Variants in TOX observed in about 807,000 individuals in gnomAD.
TOX encodes thymocyte selection-associated high mobility group box protein TOX.
TOX carries 11 observed loss-of-function variants against 53.7 expected under a neutral mutation model. The ratio of observed to expected loss-of-function variants is 0.20; its 90% CI spans 0.13 to 0.34. The LOEUF (loss-of-function observed/expected upper bound fraction) is 0.34. Among genes scored for constraint, TOX ranks in the 10% least tolerant of loss-of-function variants. The pLI is 1.00. For synonymous variants in TOX, 225 were observed against 245.3 expected, an observed-to-expected ratio of 0.92 and a Z score of 0.77; for missense variants, 570 against 664.6, an observed-to-expected ratio of 0.86 and a Z score of 1.56.
At chr8:58,830,108 AT>A (rs1004089767) in intron 5 of TOX, among the ~76,000 whole-genome samples, 1 of 152,204 alleles carries the variant, frequency 6.6e-6, no homozygotes, top group African/African-American at 2.4e-5. Flanking sequence ...AAATATTAGT[AT>A]TTAGTTGAGT....
At chr8:59,053,354 A>G (rs1197863059) in intron 1 of TOX, among the ~76,000 whole-genome samples, 9 of 152,108 alleles carry the variant, frequency 5.9e-5, no homozygotes, top group Non-Finnish European at 1.3e-4. Flanking sequence ...AACGGAACAC[A>G]TGGTTGTGTC....
chr8:58,814,351 C>G (rs751149531), intron 7 of TOX: 6 of 151,836 alleles, frequency 4.0e-5, no homozygotes, highest in Non-Finnish European at 7.4e-5. Flanking sequence ...TAAGTGATAC[C>G]TGCATTTAAT....
At chr8:58,996,322 C>G (rs1813560646) in intron 1 of TOX, among the ~76,000 whole-genome samples, 1 of 152,174 alleles carries the variant, frequency 6.6e-6, no homozygotes, top group Non-Finnish European at 1.5e-5. Flanking sequence ...GATACAATTT[C>G]TAAGTCCAAT....
At position 58,822,677 on chromosome 8, in the gene TOX, A is replaced by G. The variant is rs540996724; in HGVS notation, c.1005+4145T>C. 5.3e-5 allele frequency among the ~76,000 whole-genome samples: 8 copies of G among 152,314 alleles called. No homozygotes were observed. The East Asian group carries it at 1.3e-3, about 26-fold the overall frequency. On this transcript the variant is annotated intron_variant, in intron 6 of 8. Coordinates refer to ENST00000361421, the MANE Select transcript of TOX (RefSeq NM_014729.3). ...GGCAGTCGGCTGGACTCCACCCTCA[A>G]TTAAGTGAGGGCAGCTTTACTCTTA...
chr8:59,056,765 G>T (rs1356849872), intron 1 of TOX, among the ~76,000 whole-genome samples: 3 of 152,176 alleles, frequency 2.0e-5, no homozygotes, highest in South Asian at 4.1e-4. Flanking sequence ...AACTGTGCAT[G>T]CTTCCCTAGA....
chr8:59,074,718 T>C (rs1804262534), intron 1 of TOX, among the ~76,000 whole-genome samples: 2 of 152,170 alleles, frequency 1.3e-5, no homozygotes, highest in Non-Finnish European at 2.9e-5. Flanking sequence ...GGCCCTTGAC[T>C]CTGTGCCTCT....
intron 3 of TOX, among the ~76,000 whole-genome samples, chr8:58,929,860 A>T (rs963299945): frequency 3.3e-5 from 5 of 152,198 alleles, no homozygotes; most frequent in Admixed American, 1.3e-4. Context: ...GACTAGGCAC[A>T]AATATACTCC....
At chr8:58,825,263 C>A (rs1380009307) in intron 6 of TOX, among the ~76,000 whole-genome samples, 2 of 152,004 alleles carry the variant, frequency 1.3e-5, no homozygotes, top group Admixed American at 1.3e-4. Context: ...GATGGTTGTA[C>A]ATAAATAGAT....
chr8:58,899,439 T>C (rs1193840822), intron 3 of TOX, among the ~76,000 whole-genome samples: 1 of 152,194 alleles, frequency 6.6e-6, no homozygotes, highest in Non-Finnish European at 1.5e-5. Context: ...CAAAACTATA[T>C]TGGAGTCTCT....
At chr8:58,899,979 T>TTA (rs1554528342) in intron 3 of TOX, among the ~76,000 whole-genome samples, 1 of 152,152 alleles carries the variant, frequency 6.6e-6, no homozygotes, top group African/African-American at 2.4e-5. Context: ...TTTTTTTTTT[T>TTA]AGTTGGACTC....
At chr8:58,867,457 G>A (rs10504267) in intron 3 of TOX, among the ~76,000 whole-genome samples, 2 of 151,958 alleles carry the variant, frequency 1.3e-5, no homozygotes, top group Admixed American at 6.6e-5. Flanking sequence ...AAGGCTCTAC[G>A]TTTCAGTCTC....
intron 1 of TOX, among the ~76,000 whole-genome samples, chr8:59,048,696 G>T (rs568843674): frequency 4.6e-5 from 7 of 151,936 alleles, no homozygotes; most frequent in Non-Finnish European, 8.8e-5. Context: ...TCTTATTTTT[G>T]TGGGTGCACA....
At chr8:58,808,308 G>A (rs1221306004) in intron 7 of TOX, 39 bp from the exon 8 acceptor site, 1 of 1,575,548 alleles carries the variant, frequency 6.3e-7, no homozygotes, top group Admixed American at 1.9e-5. Context: ...GGATCAAAAT[G>A]CATTTTAAGA....
At chr8:59,059,346 A>G (rs1027550115) in intron 1 of TOX, among the ~76,000 whole-genome samples, 2 of 152,240 alleles carry the variant, frequency 1.3e-5, no homozygotes, top group Non-Finnish European at 2.9e-5. Flanking sequence ...GAGCTCCTAC[A>G]GAATCCCCAT....
At chr8:58,990,810 T>C (rs939957192) in intron 1 of TOX, among the ~76,000 whole-genome samples, 4 of 152,188 alleles carry the variant, frequency 2.6e-5, no homozygotes, top group African/African-American at 9.7e-5. Context: ...GAGGGCATCC[T>C]TCCATCTTCT....
intron 2 of TOX, among the ~76,000 whole-genome samples, chr8:58,942,587 A>C (rs1812460589): frequency 6.6e-6 from 1 of 152,202 alleles, no homozygotes; most frequent in South Asian, 2.1e-4. Flanking sequence ...AACTTAGAAC[A>C]AGTTCAATGC....
chr8:59,098,111 G>A (rs932302383), intron 1 of TOX, among the ~76,000 whole-genome samples: 1 of 152,050 alleles, frequency 6.6e-6, no homozygotes, highest in Non-Finnish European at 1.5e-5. Context: ...AAGAAAAAGG[G>A]CACCTACAGG....
chr8:58,998,036 C>T (rs1187830161), intron 1 of TOX, among the ~76,000 whole-genome samples: 2 of 152,106 alleles, frequency 1.3e-5, no homozygotes, highest in African/African-American at 4.8e-5. Context: ...TCGTGATCCG[C>T]CCGCCTCGGC....
chr8:59,076,200 C>T (rs1804290196), intron 1 of TOX, among the ~76,000 whole-genome samples: 1 of 152,060 alleles, frequency 6.6e-6, no homozygotes, highest in Non-Finnish European at 1.5e-5. Flanking sequence ...CAGTGGATAC[C>T]CCTGAGACGG....
Sources: gnomAD v4.1 joint callset for allele counts (sites outside exome capture counted in the v4.1 genomes callset) on GRCh38, gnomAD v4.1.1 for gene constraint, MANE v1.5 for transcripts, NCBI Gene and HGNC (gene_info 2026-07-23, HGNC 2026-07-21) for gene names.